CHAF1A: variants seen among roughly 807,000 people sequenced by gnomAD.
CHAF1A encodes chromatin assembly factor 1 subunit A, also known as CAF-1 subunit A.
CHAF1A carries 5 observed loss-of-function variants against 93.2 expected under a neutral mutation model. That is an observed-to-expected ratio of 0.05 (90% CI 0.03 to 0.11). CHAF1A has a LOEUF of 0.11. Ranked by LOEUF, CHAF1A falls within the 10% of genes least tolerant of loss-of-function variation. CHAF1A has a pLI of 1.00. For synonymous variants in CHAF1A, 504 were observed against 510.3 expected (o/e 0.99, Z 0.17); for missense variants, 1,102 against 1,259.9 (o/e 0.87, Z 1.90).
At chr19:4,450,722 G>A in the CHAF1A span, 1 of 117,996 alleles carries the variant, frequency 8.5e-6, no homozygotes, top group Admixed American at 1.3e-4. Context: ...TGGCGCCACT[G>A]CACTCCAGCC....
intron 13 of CHAF1A, among the ~76,000 whole-genome samples, chr19:4,437,069 C>T (rs533376270): frequency 8.5e-5 from 13 of 152,288 alleles, no homozygotes; most frequent in African/African-American, 1.9e-4. Flanking sequence ...TGGCCACATG[C>T]GCGTGATTGG....
downstream of CHAF1A, chr19:4,446,271 G>C (rs539523761): frequency 6.4e-7 from 1 of 1,569,908 alleles, no homozygotes; most frequent in Non-Finnish European, 8.6e-7. Flanking sequence ...CACGGGCATC[G>C]TTGGTGCCCA....
At chr19:4,432,440 G>A (rs1390336128) in intron 12 of CHAF1A, among the ~76,000 whole-genome samples, 1 of 152,160 alleles carries the variant, frequency 6.6e-6, no homozygotes, top group Non-Finnish European at 1.5e-5. Flanking sequence ...CACAGAGAGT[G>A]CTGGAGTGGG....
intron 14 of CHAF1A, 80 bp from the exon 15 acceptor site, chr19:4,442,845 T>A (rs1400523538): frequency 9.3e-7 from 1 of 1,075,840 alleles, no homozygotes; most frequent in Non-Finnish European, 1.3e-6. Flanking sequence ...GCAGGCCCCA[T>A]GAGGCAGCAG....
At chr19:4,432,242 C>A (rs752685584) in intron 12 of CHAF1A, 35 bp downstream of exon 12, 1 of 1,562,256 alleles carries the variant, frequency 6.4e-7, no homozygotes, top group East Asian at 2.3e-5. Context: ...CCCACCTGTT[C>A]CTGGGCCCAG....
At chr19:4,445,022 G>A (rs953332860), downstream of CHAF1A, 2 of 161,738 alleles carry the variant, frequency 1.2e-5, no homozygotes, top group African/African-American at 4.8e-5. Flanking sequence ...CAAACAACCT[G>A]TTTATTTGGG....
chr19:4,435,633 G>T (rs1974270370), intron 13 of CHAF1A, among the ~76,000 whole-genome samples: 1 of 152,096 alleles, frequency 6.6e-6, no homozygotes, highest in African/African-American at 2.4e-5. Context: ...GCCTCCCAAA[G>T]TACTGGGATT....
In CHAF1A at chr19:4,428,885, T is replaced by G. The variant is rs1408249699; in HGVS notation, c.1599T>G (p.Phe533Leu). Residue 533 changes from phenylalanine (F) to leucine (L), a missense_variant, in exon 8 of 15, where the codon TTT becomes TTG. Physicochemically the swap from Phe to Leu is conservative, Grantham distance 22. This residue lies in a region of CHAF1A where 335 missense variants were observed against 361.9 expected (regional missense o/e 0.93). Transcript: ENST00000301280. ...TTTCCACCCGGAATGCAGATATTTT[T>G]AACAGGTCAGAGCCTGAGGAGGTCG... ...THVSTRNADI[F>L]NSDVVIVERG... 2 of 1,613,414 alleles carry G rather than the reference T, an allele frequency of 1.2e-6. No individual in the cohort carries two copies. Among genetic ancestry groups the G allele is most frequent in the Non-Finnish European group, 1.7e-6 (2 of 1,179,770 alleles).
intron 1 of CHAF1A, among the ~76,000 whole-genome samples, chr19:4,405,217 A>G (rs183371224): frequency 8.9e-4 from 135 of 152,286 alleles, no homozygotes; most frequent in Non-Finnish European, 1.7e-3. Flanking sequence ...CTGCTGTCAT[A>G]GAGTTGGCAT....
chr19:4,449,669 G>T, downstream of CHAF1A: 1 of 152,382 alleles, frequency 6.6e-6, no homozygotes. Flanking sequence ...TCAGGAGCTG[G>T]GTACATGCAC....
downstream of CHAF1A, among the ~76,000 whole-genome samples, chr19:4,444,279 A>G (rs369285799): frequency 3.9e-5 from 6 of 152,246 alleles, no homozygotes; most frequent in South Asian, 1.2e-3. Flanking sequence ...CCAGGTGCAG[A>G]CCTGCATCCC....
downstream of CHAF1A, chr19:4,448,588 C>T (rs1974590733): frequency 2.7e-5 from 17 of 627,058 alleles, no homozygotes; most frequent in Middle Eastern, 4.3e-4. Context: ...GCAGCCCTGC[C>T]CACGCCCCAG....
rs977069169 is a variant in CHAF1A at position 4,422,926 on chromosome 19, G to A, written c.1247+131G>A. On this transcript the variant is annotated intron_variant, in intron 5 of 14. Coordinates refer to ENST00000301280, the MANE Select transcript of CHAF1A (RefSeq NM_005483.3). The surrounding 1 kb of genome is among the most constrained non-coding windows in gnomAD (Gnocchi z 4.6). The stretch of plus-strand genomic sequence containing the variant: ...TTCAGTTCCTTCCCATTTCTCCTTC[G>A]TGAGGTGCCCGTGGGGCCCTGACGT... 2.3e-6 allele frequency: 2 copies of A among 885,364 alleles called. No homozygotes were observed. Among genetic ancestry groups the A allele is most frequent in the Admixed American group, 2.7e-5 (1 of 36,648 alleles). 54.8% of individuals were successfully genotyped at this position (885,364 alleles called of 1,614,324 possible). A position where few individuals can be genotyped will look rare whatever the true frequency, so the allele number is the denominator to read the frequency against.
chr19:4,420,201 A>G (rs185215004), intron 4 of CHAF1A, among the ~76,000 whole-genome samples: 106 of 151,952 alleles, frequency 7.0e-4, no homozygotes, highest in Admixed American at 5.8e-3. Context: ...GGTGGTCCTC[A>G]TGCAGTGTTA....
downstream of CHAF1A, chr19:4,444,915 G>A (rs1220359542): frequency 6.5e-6 from 1 of 154,116 alleles, no homozygotes; most frequent in East Asian, 1.9e-4. Context: ...GTCCCACCTT[G>A]ACAGGGAGCC....
chr19:4,444,084 T>C (rs567914486), downstream of CHAF1A, among the ~76,000 whole-genome samples: 90 of 152,258 alleles, frequency 5.9e-4, no homozygotes, highest in African/African-American at 2.1e-3. Context: ...TGCCACACCT[T>C]TGATGAGCTT....
chr19:4,424,102 G>C (rs535485073), intron 7 of CHAF1A, among the ~76,000 whole-genome samples: 1 of 152,230 alleles, frequency 6.6e-6, no homozygotes, highest in Non-Finnish European at 1.5e-5. Flanking sequence ...GCTGTTTTCA[G>C]AGGTTACTTC....
intron 3 of CHAF1A, among the ~76,000 whole-genome samples, chr19:4,416,289 C>A (rs535810529): frequency 6.6e-6 from 1 of 152,218 alleles, no homozygotes; most frequent in African/African-American, 2.4e-5. Flanking sequence ...TGCAATGAAC[C>A]CGGAGAACTA....
At chr19:4,408,012 AC>A (rs1335941053) in intron 2 of CHAF1A, among the ~76,000 whole-genome samples, 8 of 147,672 alleles carry the variant, frequency 5.4e-5, no homozygotes, top group Admixed American at 1.4e-4. Flanking sequence ...AGCACCCCCC[AC>A]CCCCTCTTTT....
Sources: gnomAD v4.1 joint callset for allele counts (sites outside exome capture counted in the v4.1 genomes callset) on GRCh38, gnomAD v4.1.1 for gene constraint, gnomAD v4.1.1 regional missense constraint, Gnocchi (gnomAD v3.1) non-coding constraint, MANE v1.5 for transcripts, NCBI Gene and HGNC (gene_info 2026-07-23, HGNC 2026-07-21) for gene names.